Variants in CDH4 observed in about 807,000 individuals in gnomAD.
CDH4 encodes the protein cadherin 4.
A neutral mutation model predicts 86.0 loss-of-function variants in CDH4; 33 were observed. The ratio of observed to expected loss-of-function variants is 0.38; its 90% CI spans 0.29 to 0.51. The LOEUF (loss-of-function observed/expected upper bound fraction) is 0.51. Ranked by LOEUF, CDH4 falls within the 20% of genes least tolerant of loss-of-function variation. CDH4 has a pLI of 0.86. For missense variants in CDH4, 1,114 were observed against 1,307.4 expected (o/e 0.85, Z 2.28); for synonymous variants, 555 against 549.4 (o/e 1.01, Z -0.14).
chr20:61,910,146 G>T (rs570631094), intron 8 of CDH4, among the ~76,000 whole-genome samples: 1 of 151,952 alleles, frequency 6.6e-6, no homozygotes, highest in Admixed American at 6.5e-5. Context: ...GGGCTGACAC[G>T]GTGTGCTCTG....
intron 2 of CDH4, among the ~76,000 whole-genome samples, chr20:61,556,151 C>T (rs1050180404): frequency 6.6e-6 from 1 of 152,198 alleles, no homozygotes. Flanking sequence ...CCTTGAACTT[C>T]AGCAACAAGA....
intron 3 of CDH4, among the ~76,000 whole-genome samples, chr20:61,764,523 C>T (rs531928545): frequency 6.6e-6 from 1 of 152,102 alleles, no homozygotes; most frequent in Non-Finnish European, 1.5e-5. Context: ...GACCATGAGA[C>T]CACCCAGACC....
chr20:61,504,489 C>T (rs1301086951), intron 2 of CDH4, among the ~76,000 whole-genome samples: 7 of 151,998 alleles, frequency 4.6e-5, no homozygotes, highest in African/African-American at 1.2e-4. Context: ...GGGATCTCAA[C>T]GGGGGGCAGG....
At chr20:61,649,508 C>T (rs912930482) in intron 2 of CDH4, among the ~76,000 whole-genome samples, 2 of 152,180 alleles carry the variant, frequency 1.3e-5, no homozygotes, top group Non-Finnish European at 2.9e-5. Flanking sequence ...TATCAGTTGT[C>T]ATGAAACTCT....
chr20:61,741,212 A>AAAC (rs796875003), intron 2 of CDH4, among the ~76,000 whole-genome samples: 1 of 152,138 alleles, frequency 6.6e-6, no homozygotes, highest in Non-Finnish European at 1.5e-5. Flanking sequence ...CCATCTCAAA[A>AAAC]AACAACAACA....
chr20:61,654,436 T>G (rs2087165232), intron 2 of CDH4, among the ~76,000 whole-genome samples: 1 of 151,966 alleles, frequency 6.6e-6, no homozygotes, highest in African/African-American at 2.4e-5. Context: ...AGGGAGACCG[T>G]GGGGAGAGGG....
At chr20:61,898,568 A>G (rs1044314606) in intron 8 of CDH4, among the ~76,000 whole-genome samples, 2 of 152,178 alleles carry the variant, frequency 1.3e-5, no homozygotes, top group Non-Finnish European at 2.9e-5. Flanking sequence ...ATCTGGCATC[A>G]CAGGCCTTCC....
intron 3 of CDH4, among the ~76,000 whole-genome samples, chr20:61,762,903 TG>T (rs2088653814): frequency 6.6e-6 from 1 of 152,240 alleles, no homozygotes; most frequent in South Asian, 2.1e-4. Flanking sequence ...ACCTTGACCA[TG>T]GCAACAGCCA....
chr20:61,835,566 G>GA (rs1981832754), intron 4 of CDH4, among the ~76,000 whole-genome samples: 1 of 151,990 alleles, frequency 6.6e-6, no homozygotes, highest in African/African-American at 2.4e-5. Flanking sequence ...AGGTGCCTGG[G>GA]AGGAGGGTCG....
chr20:61,787,082 A>G (rs1891575), intron 4 of CDH4, among the ~76,000 whole-genome samples: 50,697 of 151,972 alleles, frequency 0.33, 8,559 homozygotes, highest in East Asian at 0.4. Flanking sequence ...TGTGGTGGCC[A>G]TTATCCATCC....
chr20:61,729,315 T>G (rs141323415), intron 2 of CDH4, among the ~76,000 whole-genome samples: 2 of 152,210 alleles, frequency 1.3e-5, no homozygotes, highest in Non-Finnish European at 2.9e-5. Context: ...GACTGGCTAA[T>G]GAGGCGCTCA....
rs1347476057 is a variant in CDH4 at position 61,375,745 on chromosome 20, G to A, written c.169+120808G>A. Among the ~76,000 whole-genome samples, 6 of 116,688 alleles carry A rather than the reference G, an allele frequency of 5.1e-5. No individual in the cohort carries two copies. In the South Asian group the frequency reaches 1.9e-3, roughly 36 times the overall value. 76.6% of individuals were successfully genotyped at this position (116,688 alleles called of 152,430 possible). A position where few individuals can be genotyped will look rare whatever the true frequency, so the allele number is the denominator to read the frequency against. On this transcript the variant is annotated intron_variant, in intron 2 of 15. Transcript: ENST00000614565. Reference sequence around the variant, plus strand: ...TGATGGTAGTGTGATGGTCTTGGTGGTGGTGATGATGGTGGTGCTGGTGGT... The same window carrying A: ...TGATGGTAGTGTGATGGTCTTGGTGATGGTGATGATGGTGGTGCTGGTGGT...
chr20:61,252,968 C>G lies in CDH4; in HGVS notation c.57+398C>G, dbSNP rs1423186547. Among the ~76,000 whole-genome samples, 1 of 151,776 alleles carries G rather than the reference C, an allele frequency of 6.6e-6. No homozygotes were observed. Among genetic ancestry groups the G allele is most frequent in the Non-Finnish European group, 1.5e-5 (1 of 67,904 alleles). On this transcript the variant is annotated intron_variant, in intron 1 of 15. Coordinates refer to ENST00000614565, the MANE Select transcript of CDH4 (RefSeq NM_001794.5). The surrounding 1 kb of genome is among the most constrained non-coding windows in gnomAD (Gnocchi z 4.4). ...GGGAGCCGCGCGCCGCGGGAGTTGC[C>G]GAGCCCAGCCCCGGCCGTGGCTGAA...
chr20:61,355,999 G>A (rs1488088332), intron 2 of CDH4, among the ~76,000 whole-genome samples: 2 of 152,200 alleles, frequency 1.3e-5, no homozygotes, highest in African/African-American at 4.8e-5. Context: ...AGTTTATCAT[G>A]CACTTGGTTA....
At chr20:61,351,095 C>T (rs2084709388) in intron 2 of CDH4, among the ~76,000 whole-genome samples, 2 of 152,138 alleles carry the variant, frequency 1.3e-5, no homozygotes, top group African/African-American at 2.4e-5. Flanking sequence ...CCGGGCAGCC[C>T]GTGCTCAAGG....
intron 2 of CDH4, among the ~76,000 whole-genome samples, chr20:61,610,043 T>C (rs143793794): frequency 1.7e-4 from 26 of 152,334 alleles, no homozygotes; most frequent in African/African-American, 5.3e-4. Context: ...AAAATGATGG[T>C]TAACTATAGT....
At position 61,663,621 on chromosome 20, in the gene CDH4, C is replaced by T. The variant is rs565410775; in HGVS notation, c.170-79942C>T. On this transcript the variant is annotated intron_variant, in intron 2 of 15. Coordinates refer to ENST00000614565, the MANE Select transcript of CDH4 (RefSeq NM_001794.5). This position sits in a 1 kb window ranked among gnomAD's most constrained non-coding sequence, Gnocchi z 5.0. ...GACGGCAGGACCGGGTGTGTGTGTCCAAGAGACCATCTTGGCTGCCCAGGG... is the reference window on the plus strand; with the variant it reads ...GACGGCAGGACCGGGTGTGTGTGTCTAAGAGACCATCTTGGCTGCCCAGGG... Among the ~76,000 whole-genome samples, 1 of 152,144 alleles carries T rather than the reference C, an allele frequency of 6.6e-6. No homozygotes were observed. The highest frequency in any genetic ancestry group is 2.1e-4 in the South Asian group (1 of 4,804).
At chr20:61,644,278 C>T (rs2087038900) in intron 2 of CDH4, among the ~76,000 whole-genome samples, 2 of 152,312 alleles carry the variant, frequency 1.3e-5, no homozygotes, top group African/African-American at 2.4e-5. Context: ...AAAGGGAGGC[C>T]ACGTCACAGG....
intron 2 of CDH4, among the ~76,000 whole-genome samples, chr20:61,326,622 GA>G (rs1263090082): frequency 6.6e-6 from 1 of 152,192 alleles, no homozygotes; most frequent in Non-Finnish European, 1.5e-5. Flanking sequence ...AGGTATTCTG[GA>G]AGACACTGGG....
Sources: gnomAD v4.1 joint callset for allele counts (sites outside exome capture counted in the v4.1 genomes callset) on GRCh38, gnomAD v4.1.1 for gene constraint, Gnocchi (gnomAD v3.1) non-coding constraint, MANE v1.5 for transcripts, NCBI Gene and HGNC (gene_info 2026-07-23, HGNC 2026-07-21) for gene names.